Variants in TMEM184A observed in about 807,000 individuals in gnomAD.
The protein encoded by TMEM184A is sexually dimorphic, expressed in male gonads 1.
TMEM184A carries 40 observed loss-of-function variants against 39.5 expected under a neutral mutation model. That is an observed-to-expected ratio of 1.01 (90% confidence interval 0.79 to 1.32). The LOEUF (loss-of-function observed/expected upper bound fraction) is 1.32. Among genes scored for constraint, TMEM184A ranks in the 40% most tolerant of loss-of-function variants. The pLI, the probability that TMEM184A is intolerant of heterozygous loss-of-function variation, is 0.00. For synonymous variants in TMEM184A, 280 were observed against 252.3 expected (o/e 1.11, Z -1.04); for missense variants, 603 against 568.8 (o/e 1.06, Z -0.61).
chr7:1,553,325 G>T (rs1423037043), intron 2 of TMEM184A, among the ~76,000 whole-genome samples: 1 of 151,794 alleles, frequency 6.6e-6, no homozygotes, highest in Non-Finnish European at 1.5e-5. Flanking sequence ...GCTAATTTTT[G>T]TATTTTTAGT....
intron 8 of TMEM184A, 71 bp from the exon 9 acceptor site, chr7:1,547,252 G>T: frequency 1.1e-6 from 1 of 883,348 alleles, no homozygotes; most frequent in Non-Finnish European, 1.7e-6. Flanking sequence ...TCCCCTCCCA[G>T]GATGCCCAGG....
At chr7:1,554,174 C>T (rs1459768625) in intron 2 of TMEM184A, among the ~76,000 whole-genome samples, 1 of 152,180 alleles carries the variant, frequency 6.6e-6, no homozygotes. Flanking sequence ...TCAAGCGATC[C>T]TCCCATCTCA....
intron 8 of TMEM184A, among the ~76,000 whole-genome samples, chr7:1,547,393 C>T (rs1241454871): frequency 6.6e-6 from 1 of 152,170 alleles, no homozygotes; most frequent in Non-Finnish European, 1.5e-5. Context: ...AGGACCACGT[C>T]CCCTAGAGCT....
intron 2 of TMEM184A, among the ~76,000 whole-genome samples, chr7:1,554,424 G>C (rs1207142021): frequency 2.6e-5 from 4 of 152,136 alleles, no homozygotes; most frequent in Non-Finnish European, 5.9e-5. Context: ...TGGGCTCCCA[G>C]CACCCCCTGA....
intron 7 of TMEM184A, 67 bp from the exon 8 acceptor site, chr7:1,548,006 A>G: frequency 1.3e-6 from 2 of 1,500,154 alleles, no homozygotes; most frequent in South Asian, 1.2e-5. Context: ...GAGGCCCCAG[A>G]CCCCGCAGCG....
At position 1,548,628 on chromosome 7, in the gene TMEM184A, G is replaced by A; in HGVS notation, c.705C>T (p.Leu235=). 2 of 1,613,980 alleles carry A rather than the reference G, an allele frequency of 1.2e-6. No individual in the cohort carries two copies. The highest frequency in any genetic ancestry group is 8.5e-7 in the Non-Finnish European group (1 of 1,179,990). The part of the protein sequence containing the change: ...LIYNASVSLA[L]YALFLFYFTT... ...TGAAGTAGAAGAGGAACAGGGCGTA[G>A]AGGGCGAGGCTGACGGAGGCGTTGT... The change falls in exon 7 of 9, where the codon CTC becomes CTT. Residue 235 remains leucine (L), a synonymous_variant. Coordinates refer to ENST00000297477, the MANE Select transcript of TMEM184A (RefSeq NM_001097620.2).
chr7:1,555,012 C>T lies in TMEM184A; in HGVS notation c.219+254G>A, dbSNP rs925101486. Among the ~76,000 whole-genome samples, 1 of 152,062 alleles carries T rather than the reference C, an allele frequency of 6.6e-6. No individual in the cohort carries two copies. Among genetic ancestry groups the T allele is most frequent in the Non-Finnish European group, 1.5e-5 (1 of 67,998 alleles). The stretch of plus-strand genomic sequence containing the variant: ...GACCACACTGCAGACCTCAGTGAGC[C>T]GAGTGACGAGCCTGTGAAATAGCCA... On this transcript the variant is annotated intron_variant, in intron 2 of 8. Coordinates refer to ENST00000297477, the MANE Select transcript of TMEM184A (RefSeq NM_001097620.2). This position sits in a 1 kb window ranked among gnomAD's most constrained non-coding sequence, Gnocchi z 5.2.
intron 6 of TMEM184A, chr7:1,548,913 G>T (rs3814482): frequency 2.9e-6 from 2 of 682,268 alleles, no homozygotes; most frequent in Non-Finnish European, 5.3e-6. Flanking sequence ...CAGGGACGTG[G>T]CCGTTCTCCC....
At chr7:1,552,904 A>G in intron 2 of TMEM184A, among the ~76,000 whole-genome samples, 1 of 152,044 alleles carries the variant, frequency 6.6e-6, no homozygotes. Flanking sequence ...AAAATACAAA[A>G]ATTAGCCAGG....
chr7:1,549,970 C>T (rs756298569), intron 5 of TMEM184A, 25 bp from the exon 6 acceptor site: 1 of 1,611,394 alleles, frequency 6.2e-7, no homozygotes, highest in Non-Finnish European at 8.5e-7. Flanking sequence ...ACCCGGTGGG[C>T]CTGGGGCCAG....
rs1488179253 is a variant in TMEM184A at position 1,545,985 on chromosome 7, C to G, written c.*967G>C. 1.3e-5 allele frequency: 2 copies of G among 152,436 alleles called. No individual in the cohort carries two copies. Among genetic ancestry groups the G allele is most frequent in the African/African-American group, 2.4e-5 (1 of 41,452 alleles). The allele number at this position is 152,436 out of a possible 1,614,324, so 9.4% of individuals were successfully genotyped here. ...CCCTGCCTTCGTGGCCTTGTCCGCT[C>G]GCCGCGGGTGGGGCTGGCACAAGGC... On this transcript the variant is annotated 3_prime_UTR_variant, in exon 9 of 9. Coordinates refer to ENST00000297477, the MANE Select transcript of TMEM184A (RefSeq NM_001097620.2).
In TMEM184A at chr7:1,547,839, C is replaced by T. The variant is rs771089573; in HGVS notation, c.915G>A (p.Gln305=). ...GCATCTCCACGCAGATGATGAAGTTCTGGTAGCCGGCGGCCAGCGTGCCAG... is the reference window on the plus strand; with the variant it reads ...GCATCTCCACGCAGATGATGAAGTTTTGGTAGCCGGCGGCCAGCGTGCCAG... The part of the protein sequence containing the change: ...LGAGTLAAGY[Q]NFIICVEMLF... The change falls in exon 8 of 9, where the codon CAG becomes CAA. Residue 305 remains glutamine, a synonymous_variant. Transcript: ENST00000297477. 1.7e-5 allele frequency: 27 copies of T among 1,611,104 alleles called. No homozygotes were observed. Among genetic ancestry groups the T allele is most frequent in the Non-Finnish European group, 2.2e-5 (26 of 1,179,208 alleles).
At chr7:1,548,940 C>T (rs1309590579) in intron 6 of TMEM184A, 5 of 645,752 alleles carry the variant, frequency 7.7e-6, no homozygotes, top group Non-Finnish European at 1.4e-5. Flanking sequence ...CCCTGCTCCT[C>T]CTCGTCCCAG....
At chr7:1,554,621 G>C (rs1321522952) in intron 2 of TMEM184A, among the ~76,000 whole-genome samples, 1 of 152,132 alleles carries the variant, frequency 6.6e-6, no homozygotes, top group Non-Finnish European at 1.5e-5. Flanking sequence ...CCCTGCCCTC[G>C]GGCACCACTT....
At chr7:1,556,089 C>CT (rs1284246870) in intron 1 of TMEM184A, 25 bp downstream of exon 1, 1 of 156,530 alleles carries the variant, frequency 6.4e-6, no homozygotes, top group Non-Finnish European at 1.4e-5. Context: ...TCCCTCTGGT[C>CT]TGCGGTCACA....
In TMEM184A at chr7:1,547,858, G is replaced by C. The variant is rs985285082; in HGVS notation, c.896C>G (p.Thr299Arg). 5 of 1,605,644 alleles carry C rather than the reference G, an allele frequency of 3.1e-6. No homozygotes were observed. The highest frequency in any genetic ancestry group is 1.7e-5 in the Admixed American group (1 of 59,288). ...GAAGTTCTGGTAGCCGGCGGCCAGC[G>C]TGCCAGCCCCCAGCTTGTTCCCGCC... is the stretch of plus-strand genomic sequence containing the variant. ...TSGGNKLGAG[T>R]LAAGYQNFII... The change falls in exon 8 of 9, where the codon ACG (threonine) becomes AGG (arginine). Residue 299 changes from threonine (T) to arginine (R), a missense_variant. By Grantham distance (71) the Thr-to-Arg change is moderately conservative. Transcript: ENST00000297477.
rs370775578 is a variant in TMEM184A, at chr7:1,550,895, C to T, written c.307G>A (p.Asp103Asn). 24 of 1,613,662 alleles carry T rather than the reference C, an allele frequency of 1.5e-5. No individual in the cohort carries two copies. Among genetic ancestry groups the T allele is most frequent in the African/African-American group, 1.3e-4 (10 of 74,914 alleles). Residue 103 changes from aspartate to asparagine, a missense_variant, in exon 3 of 9, where the codon GAC becomes AAC. Asp to Asn is a conservative substitution (Grantham distance 23, BLOSUM62 1). Transcript: ENST00000297477. ...AGGAGGAGGAGGCTGAGCCAGGAGT[C>T]GAAGGCGTAGATGGGCACGATGAGG... is the stretch of plus-strand genomic sequence containing the variant. ...LLLIVPIYAF[D>N]SWLSLLLLGD... is the part of the protein sequence containing the mutation.
rs1270704168 is a variant in TMEM184A, at chr7:1,547,057, C to T, written c.1137G>A (p.Thr379=). 1.4e-5 allele frequency: 23 copies of T among 1,608,868 alleles called. No homozygotes were observed. Among genetic ancestry groups the T allele is most frequent in the East Asian group, 6.7e-5 (3 of 44,862 alleles). The change falls in exon 9 of 9, where the codon ACG becomes ACA. Residue 379 remains threonine, a synonymous_variant. Coordinates refer to ENST00000297477, the MANE Select transcript of TMEM184A (RefSeq NM_001097620.2). ...GGGTGCCGGGCCTGGGCGCCTCGTG[C>T]GTGGCCTGCTGCGTGTAGTGCTGGT... is the stretch of plus-strand genomic sequence containing the variant. ...PAYQHYTQQA[T]HEAPRPGTHP...
In TMEM184A at chr7:1,544,297, C is replaced by G. The variant is rs1465368441; in HGVS notation, c.*2655G>C. The stretch of plus-strand genomic sequence containing the variant: ...GACACCGCCCCGCCCGGCCATGCAG[C>G]CTGCACCCGGGCCAGGCCAGGGCCC... On this transcript the variant is annotated 3_prime_UTR_variant, in exon 9 of 9. Coordinates refer to ENST00000297477, the MANE Select transcript of TMEM184A (RefSeq NM_001097620.2). 1 of 152,314 alleles carries G rather than the reference C, an allele frequency of 6.6e-6. No individual in the cohort carries two copies. Among genetic ancestry groups the G allele is most frequent in the Non-Finnish European group, 1.5e-5 (1 of 68,094 alleles). The allele number at this position is 152,314 out of a possible 1,614,324, so 9.4% of individuals were successfully genotyped here.
Sources: gnomAD v4.1 joint callset for allele counts (sites outside exome capture counted in the v4.1 genomes callset) on GRCh38, gnomAD v4.1.1 for gene constraint, Gnocchi (gnomAD v3.1) non-coding constraint, MANE v1.5 for transcripts, NCBI Gene and HGNC (gene_info 2026-07-23, HGNC 2026-07-21) for gene names.